Variants in CALCR observed in about 807,000 individuals in gnomAD.
CALCR encodes the protein calcitonin receptor.
Under a neutral mutation model 59.5 loss-of-function variants are expected in CALCR, and 47 were observed. The ratio of observed to expected loss-of-function variants is 0.79; its 90% CI spans 0.63 to 1.01. The LOEUF (loss-of-function observed/expected upper bound fraction) is 1.01. CALCR is among the 50% of genes least tolerant of loss of function. CALCR has a pLI of 0.00. For missense variants in CALCR, 566 were observed against 597.1 expected (o/e 0.95, Z 0.54); for synonymous variants, 213 against 211.3 (o/e 1.01, Z -0.07).
intron 5 of CALCR, among the ~76,000 whole-genome samples, chr7:93,475,612 A>G (rs1210621434): frequency 1.3e-5 from 2 of 151,754 alleles, no homozygotes; most frequent in Non-Finnish European, 2.9e-5. Flanking sequence ...GGGAAAATAT[A>G]TTGTATGCAG....
At chr7:93,529,219 G>A (rs953108443) in intron 2 of CALCR, among the ~76,000 whole-genome samples, 23 of 151,386 alleles carry the variant, frequency 1.5e-4, no homozygotes, top group African/African-American at 5.6e-4. Flanking sequence ...CTATCCTTTC[G>A]GTGCTGTTCT....
chr7:93,547,982 T>C (rs2116215006), intron 2 of CALCR, among the ~76,000 whole-genome samples: 1 of 152,322 alleles, frequency 6.6e-6, no homozygotes, highest in South Asian at 2.1e-4. Context: ...TCCCTGAGAC[T>C]TCCCTAAGAC....
chr7:93,465,999 G>C (rs937860809), intron 7 of CALCR, among the ~76,000 whole-genome samples: 1 of 151,758 alleles, frequency 6.6e-6, no homozygotes, highest in Non-Finnish European at 1.5e-5. Context: ...ACACATTTGA[G>C]GAGTTCTGAG....
At chr7:93,478,153 G>A (rs565767313) in intron 4 of CALCR, among the ~76,000 whole-genome samples, 41 of 151,776 alleles carry the variant, frequency 2.7e-4, no homozygotes, top group African/African-American at 9.9e-4. Flanking sequence ...TGTCTCACTG[G>A]CTTCAACGAA....
intron 2 of CALCR, among the ~76,000 whole-genome samples, chr7:93,551,286 G>A (rs766590204): frequency 6.6e-6 from 1 of 152,154 alleles, no homozygotes; most frequent in African/African-American, 2.4e-5. Flanking sequence ...TAAGAAATGC[G>A]CTCAAGAACT....
intron 13 of CALCR, among the ~76,000 whole-genome samples, chr7:93,433,534 T>A (rs1409482412): frequency 2.0e-5 from 3 of 152,202 alleles, no homozygotes; most frequent in African/African-American, 7.2e-5. Flanking sequence ...TCACATGATC[T>A]TTCTGGAGTT....
intron 2 of CALCR, among the ~76,000 whole-genome samples, chr7:93,523,745 G>A (rs1801813167): frequency 6.6e-6 from 1 of 151,942 alleles, no homozygotes; most frequent in African/African-American, 2.4e-5. Flanking sequence ...ATTTTTATAA[G>A]TATAAACTAT....
intron 2 of CALCR, among the ~76,000 whole-genome samples, chr7:93,510,062 T>G (rs1433301611): frequency 1.3e-5 from 2 of 152,196 alleles, no homozygotes; most frequent in Non-Finnish European, 2.9e-5. Context: ...TACTAAAGAC[T>G]TTTGAGATTT....
rs887727692 is a variant in CALCR, at chr7:93,461,024, T to C, written c.522-77A>G. ...CCTGGAAAAAAACATTTTGGTAATA[T>C]TTTTCATATTTTCTTTAAAAAAAAG... On this transcript the variant is annotated intron_variant, in intron 7 of 13. Coordinates refer to ENST00000426151, the MANE Select transcript of CALCR (RefSeq NM_001742.4). 1.2e-5 allele frequency: 14 copies of C among 1,212,884 alleles called. No individual in the cohort carries two copies. The South Asian group carries it at 1.8e-4, about 15-fold the overall frequency. The allele number at this position is 1,212,884 out of a possible 1,614,324, so 75.1% of individuals were successfully genotyped here. A position where few individuals can be genotyped will look rare whatever the true frequency, so the allele number is the denominator to read the frequency against.
At chr7:93,426,628 C>T (rs1799537358) in intron 13 of CALCR, 39 bp from the exon 14 acceptor site, 4 of 1,035,552 alleles carry the variant, frequency 3.9e-6, no homozygotes, top group Non-Finnish European at 5.9e-6. Context: ...ATATGATAGT[C>T]AGAAATGATC....
At chr7:93,437,969 T>C in intron 11 of CALCR, 91 bp downstream of exon 11, 1 of 1,114,524 alleles carries the variant, frequency 9.0e-7, no homozygotes. Flanking sequence ...CATTTTGAAG[T>C]TATAAAACAT....
At chr7:93,551,707 G>C (rs916691105) in intron 2 of CALCR, among the ~76,000 whole-genome samples, 1 of 152,154 alleles carries the variant, frequency 6.6e-6, no homozygotes, top group Non-Finnish European at 1.5e-5. Flanking sequence ...AGGATGGAAG[G>C]TGCCAGTGAC....
At chr7:93,554,585 G>A (rs1165381614) in intron 2 of CALCR, among the ~76,000 whole-genome samples, 6 of 151,770 alleles carry the variant, frequency 4.0e-5, no homozygotes, top group Non-Finnish European at 5.9e-5. Context: ...GATGAGAAAG[G>A]ACTATAGCAA....
rs369073643 is a variant in CALCR at position 93,525,593 on chromosome 7, C to T, written c.-26-38586G>A. On this transcript the variant is annotated intron_variant, in intron 2 of 13. Transcript: ENST00000426151. ...AGGACAATGTATTCTTTCTGGCTAA[C>T]AGTACTGCAGTTCATATATTTACTG... 1.6e-4 allele frequency among the ~76,000 whole-genome samples: 24 copies of T among 152,290 alleles called. 1 individual carries two copies. The East Asian group carries it at 2.9e-3, about 18-fold the overall frequency.
At chr7:93,475,023 A>G (rs567936034) in intron 5 of CALCR, among the ~76,000 whole-genome samples, 32 of 151,814 alleles carry the variant, frequency 2.1e-4, no homozygotes, top group Middle Eastern at 3.4e-3. Flanking sequence ...ATAATATTTA[A>G]AATAATTTTC....
chr7:93,480,138 T>G (rs1800762377), intron 3 of CALCR, among the ~76,000 whole-genome samples: 1 of 151,924 alleles, frequency 6.6e-6, no homozygotes, highest in South Asian at 2.1e-4. Context: ...TCTTAGATAT[T>G]TATCTCAGCA....
chr7:93,528,155 T>C (rs568697900), intron 2 of CALCR, among the ~76,000 whole-genome samples: 1 of 152,298 alleles, frequency 6.6e-6, no homozygotes, highest in South Asian at 2.1e-4. Context: ...CTAACAAAGA[T>C]TGATGCTGCC....
chr7:93,563,102 AC>A (rs1445794580), intron 2 of CALCR, among the ~76,000 whole-genome samples: 3 of 152,172 alleles, frequency 2.0e-5, no homozygotes, highest in Non-Finnish European at 4.4e-5. Flanking sequence ...CAGTATCAGA[AC>A]AAATCCCTCC....
At chr7:93,455,412 C>CTCT (rs910771987) in intron 8 of CALCR, among the ~76,000 whole-genome samples, 115 of 151,048 alleles carry the variant, frequency 7.6e-4, no homozygotes, top group African/African-American at 1.7e-3. Flanking sequence ...TTTTCTTTGT[C>CTCT]TCTTCTTCTT....
Sources: allele counts gnomAD v4.1 joint callset (sites outside exome capture counted in the v4.1 genomes callset), GRCh38; gene constraint gnomAD v4.1.1; transcripts MANE v1.5; gene names NCBI Gene and HGNC (gene_info 2026-07-23, HGNC 2026-07-21).